HAS3: variants seen among roughly 807,000 people sequenced by gnomAD.
HAS3 encodes HA synthase 3.
Under a neutral mutation model 50.3 loss-of-function variants are expected in HAS3, and 27 were observed. The ratio of observed to expected loss-of-function variants is 0.54; its 90% CI spans 0.40 to 0.74. The LOEUF (loss-of-function observed/expected upper bound fraction) is 0.74. Ranked by LOEUF, HAS3 falls within the 30% of genes least tolerant of loss-of-function variation. HAS3 has a pLI of 0.00. For synonymous variants in HAS3, 339 were observed against 310.9 expected (o/e 1.09, Z -0.95); for missense variants, 517 against 742.8 (o/e 0.70, Z 3.53).
upstream of HAS3, among the ~76,000 whole-genome samples, chr16:69,103,181 G>A (rs979989732): frequency 7.2e-5 from 11 of 152,260 alleles, no homozygotes; most frequent in South Asian, 2.1e-4. Flanking sequence ...GCCTCTAAAC[G>A]GAGCGTTTGC....
At chr16:69,113,733 A>G (rs1961086945) in intron 3 of HAS3, among the ~76,000 whole-genome samples, 191 bp downstream of exon 3, 1 of 152,042 alleles carries the variant, frequency 6.6e-6, no homozygotes, top group East Asian at 1.9e-4. Flanking sequence ...CTTCCACATG[A>G]GGGGAAGTCA....
Position 69,115,848 on chromosome 16 carries a change from C to A in HAS3, c.*582C>A. The A allele has an allele frequency of 1.0e-6, 1 of 985,838 alleles. No homozygotes were observed. Among genetic ancestry groups the A allele is most frequent in the Non-Finnish European group, 1.2e-6 (1 of 829,932 alleles). The allele number at this position is 985,838 out of a possible 1,614,324, so 61.1% of individuals were successfully genotyped here. A position where few individuals can be genotyped will look rare whatever the true frequency, so the allele number is the denominator to read the frequency against. On this transcript the variant is annotated 3_prime_UTR_variant, in exon 4 of 4. Coordinates refer to ENST00000569188, the MANE Select transcript of HAS3 (RefSeq NM_001199280.2). ...GAATGGTGCTTTATGTGAGATACCC[C>A]ACTCCACATCAACATTCCAGGGATG...
At chr16:69,085,674 C>A in the HAS3 span, among the ~76,000 whole-genome samples, 1 of 151,848 alleles carries the variant, frequency 6.6e-6, no homozygotes, top group Non-Finnish European at 1.5e-5. Flanking sequence ...CTGCAACCTC[C>A]AACTCCTAGG....
At chr16:69,096,704 G>A in the HAS3 span, among the ~76,000 whole-genome samples, 6 of 128,742 alleles carry the variant, frequency 4.7e-5, no homozygotes, top group East Asian at 2.6e-4. Context: ...TCCAACCTCC[G>A]CCTCCCGGGT....
upstream of HAS3, among the ~76,000 whole-genome samples, chr16:69,102,656 G>A (rs1960709129): frequency 6.6e-6 from 1 of 152,204 alleles, no homozygotes; most frequent in African/African-American, 2.4e-5. Context: ...GTCCTCATGA[G>A]GTTCTATCTG....
chr16:69,116,786 G>A lies in HAS3; in HGVS notation c.*1520G>A. 1 of 985,388 alleles carries A rather than the reference G, an allele frequency of 1.0e-6. No homozygotes were observed. Among genetic ancestry groups the A allele is most frequent in the Non-Finnish European group, 1.2e-6 (1 of 829,916 alleles). The allele number at this position is 985,388 out of a possible 1,614,324, so 61.0% of individuals were successfully genotyped here. On this transcript the variant is annotated 3_prime_UTR_variant, in exon 4 of 4. Coordinates refer to ENST00000569188, the MANE Select transcript of HAS3 (RefSeq NM_001199280.2). ...TCAGCGTTTTGAGTTTAAAACCTGG[G>A]ATCCTGACTAAGCCTTTGACTTAAG...
At chr16:69,112,968 A>AG (rs1961059446) in intron 2 of HAS3, among the ~76,000 whole-genome samples, 1 of 152,318 alleles carries the variant, frequency 6.6e-6, no homozygotes, top group East Asian at 1.9e-4. Flanking sequence ...GCAAGTAGGT[A>AG]GTCTGGTAAC....
chr16:69,092,528 G>A, the HAS3 span, among the ~76,000 whole-genome samples: 1 of 151,092 alleles, frequency 6.6e-6, no homozygotes, highest in Non-Finnish European at 1.5e-5. Flanking sequence ...ACTAGCCCAG[G>A]AGGCAGAGGT....
At chr16:69,087,725 C>CA in the HAS3 span, among the ~76,000 whole-genome samples, 1 of 105,160 alleles carries the variant, frequency 9.5e-6, no homozygotes, top group Non-Finnish European at 1.9e-5. Context: ...TTTTTTGAGA[C>CA]AGAGTTTTGC....
chr16:69,085,792 T>C, the HAS3 span, among the ~76,000 whole-genome samples: 2 of 151,602 alleles, frequency 1.3e-5, no homozygotes, highest in African/African-American at 2.4e-5. Flanking sequence ...TTGGCCAGGC[T>C]GATCTTGAAC....
At position 69,116,837 on chromosome 16, in the gene HAS3, C is replaced by T. The variant is rs1961205156; in HGVS notation, c.*1571C>T. The T allele has an allele frequency of 7.1e-6, 7 of 985,292 alleles. No individual in the cohort carries two copies. The highest frequency in any genetic ancestry group is 1.1e-4 in the East Asian group (1 of 8,828). The allele number at this position is 985,292 out of a possible 1,614,324, so 61.0% of individuals were successfully genotyped here. A position where few individuals can be genotyped will look rare whatever the true frequency, so the allele number is the denominator to read the frequency against. ...GGTTGCTTGCTTGCCCTCCAAATGT[C>T]CTTTCTCAGAGGGGCCAGCTAACCC... On this transcript the variant is annotated 3_prime_UTR_variant, in exon 4 of 4. Coordinates refer to ENST00000569188, the MANE Select transcript of HAS3 (RefSeq NM_001199280.2).
upstream of HAS3, among the ~76,000 whole-genome samples, chr16:69,103,842 A>G (rs967651621): frequency 3.9e-5 from 6 of 152,174 alleles, no homozygotes; most frequent in African/African-American, 1.4e-4. Flanking sequence ...CCCTCAGCCA[A>G]TCTCTTCAAA....
chr16:69,110,910 T>G (rs1458271090), intron 2 of HAS3, among the ~76,000 whole-genome samples: 1 of 152,182 alleles, frequency 6.6e-6, no homozygotes, highest in African/African-American at 2.4e-5. Flanking sequence ...GTCAAAGTCA[T>G]GTCTGGGCGG....
chr16:69,097,248 AG>A, the HAS3 span, among the ~76,000 whole-genome samples: 1 of 151,970 alleles, frequency 6.6e-6, no homozygotes, highest in Non-Finnish European at 1.5e-5. Flanking sequence ...AGGCCGAGGC[AG>A]GTGGATCACA....
chr16:69,088,411 T>G, the HAS3 span, among the ~76,000 whole-genome samples: 2 of 151,272 alleles, frequency 1.3e-5, no homozygotes, highest in African/African-American at 4.9e-5. Flanking sequence ...AATACAAAAA[T>G]TAGGCAGGTG....
the HAS3 span, chr16:69,083,603 T>C: frequency 3.5e-4 from 558 of 1,590,608 alleles, no homozygotes; most frequent in East Asian, 2.6e-3. Context: ...GATGACATCA[T>C]GAAAAACTTC....
At chr16:69,110,553 G>A (rs1345247851) in intron 2 of HAS3, among the ~76,000 whole-genome samples, 1 of 152,082 alleles carries the variant, frequency 6.6e-6, no homozygotes, top group Non-Finnish European at 1.5e-5. Context: ...TAGTAACTGC[G>A]ATTACAGGCA....
chr16:69,087,189 C>T, the HAS3 span, among the ~76,000 whole-genome samples: 2 of 152,180 alleles, frequency 1.3e-5, no homozygotes, highest in African/African-American at 4.8e-5. Context: ...CGTGCTGCCT[C>T]CTCTCCTTTT....
chr16:69,101,399 C>T (rs2152252079), upstream of HAS3, among the ~76,000 whole-genome samples: 1 of 152,210 alleles, frequency 6.6e-6, no homozygotes, highest in African/African-American at 2.4e-5. Flanking sequence ...CTCCCGGGTT[C>T]AAGGGATTCT....
Sources: gnomAD v4.1 joint callset for allele counts (sites outside exome capture counted in the v4.1 genomes callset) on GRCh38, gnomAD v4.1.1 for gene constraint, MANE v1.5 for transcripts, NCBI Gene and HGNC (gene_info 2026-07-23, HGNC 2026-07-21) for gene names.